The following TSHZ3 variants were observed in gnomAD, a reference collection of about 807,000 sequenced individuals.
TSHZ3 encodes teashirt homolog 3.
A neutral mutation model predicts 64.5 loss-of-function variants in TSHZ3; 10 were observed. The observed-to-expected ratio is 0.16, with a 90% CI of 0.10 to 0.26. The LOEUF is 0.26. Among genes scored for constraint, TSHZ3 ranks in the 10% least tolerant of loss-of-function variants. The pLI, the probability that TSHZ3 is intolerant of heterozygous loss-of-function variation, is 1.00. For missense variants in TSHZ3, 1,242 were observed against 1,421.7 expected (o/e 0.87, Z 2.03); for synonymous variants, 608 against 593.1 (o/e 1.03, Z -0.36).
intron 4 of TSHZ3, among the ~76,000 whole-genome samples, chr19:31,207,276 G>C (rs1472899153): frequency 1.3e-5 from 2 of 152,136 alleles, no homozygotes; most frequent in Non-Finnish European, 2.9e-5. Context: ...AGCTTGCTTA[G>C]CTAACCATTA....
chr19:31,283,236 A>G (rs1233030345), intron 1 of TSHZ3, among the ~76,000 whole-genome samples: 2 of 152,134 alleles, frequency 1.3e-5, no homozygotes, highest in Non-Finnish European at 2.9e-5. Context: ...CCAGAGGCTG[A>G]GGCAGGCGAA....
chr19:31,248,114 C>T (rs777261376), intron 1 of TSHZ3, among the ~76,000 whole-genome samples: 4 of 152,032 alleles, frequency 2.6e-5, no homozygotes, highest in Non-Finnish European at 4.4e-5. Context: ...CTCACTACCA[C>T]GAGAACAGTA....
At chr19:31,349,487 A>T (rs538570972), upstream of TSHZ3, 3 of 354,402 alleles carry the variant, frequency 8.5e-6, no homozygotes, top group East Asian at 1.4e-4. Flanking sequence ...GGGGAGGAGG[A>T]GGCAGAGGAG....
intron 1 of TSHZ3, among the ~76,000 whole-genome samples, chr19:31,281,178 C>T (rs188690641): frequency 3.9e-5 from 6 of 152,198 alleles, no homozygotes; most frequent in Non-Finnish European, 7.4e-5. Context: ...GAATTGACTC[C>T]ACCAGCTTTA....
At chr19:31,245,148 C>A (rs1446807992) in intron 1 of TSHZ3, among the ~76,000 whole-genome samples, 1 of 151,822 alleles carries the variant, frequency 6.6e-6, no homozygotes, top group Non-Finnish European at 1.5e-5. Flanking sequence ...TCAATTGTTG[C>A]AAGTCAGTAT....
intron 1 of TSHZ3, among the ~76,000 whole-genome samples, chr19:31,318,037 A>G (rs1259007629): frequency 6.6e-6 from 1 of 152,250 alleles, no homozygotes; most frequent in Non-Finnish European, 1.5e-5. Context: ...CTTATAAAAG[A>G]CAACACACAG....
rs111817729 is a variant in TSHZ3, at chr19:31,215,789, T to C, written n.687-10711A>G. ...GGGAGGCTGAGGCAGGAGAATCACT[T>C]GAACCCGGGAGGCGGAGCTTGCAGT... On this transcript the variant is annotated intron_variant and non_coding_transcript_variant, in intron 4 of 6. Transcript: ENST00000651361. Among the ~76,000 whole-genome samples, 502 of 152,236 alleles carry C rather than the reference T, an allele frequency of 3.3e-3. 8 individuals are homozygous for C. The highest frequency in any genetic ancestry group is 0.012 in the African/African-American group (480 of 41,564).
chr19:31,299,139 A>G (rs1976712869), intron 1 of TSHZ3, among the ~76,000 whole-genome samples: 1 of 152,142 alleles, frequency 6.6e-6, no homozygotes, highest in Non-Finnish European at 1.5e-5. Flanking sequence ...AGGTTGCAGT[A>G]AGCCGGGATT....
At chr19:31,311,344 C>T (rs938954963) in intron 1 of TSHZ3, among the ~76,000 whole-genome samples, 3 of 152,190 alleles carry the variant, frequency 2.0e-5, no homozygotes, top group Admixed American at 6.5e-5. Flanking sequence ...AGATCAAGAG[C>T]ATTCGTGTCT....
At chr19:31,284,933 CTGA>C (rs1976428921) in intron 1 of TSHZ3, among the ~76,000 whole-genome samples, 2 of 152,208 alleles carry the variant, frequency 1.3e-5, no homozygotes, top group African/African-American at 4.8e-5. Context: ...CCAAAACATC[CTGA>C]ATGGATCCTG....
chr19:31,292,399 T>C (rs1251176908), intron 1 of TSHZ3, among the ~76,000 whole-genome samples: 3 of 152,204 alleles, frequency 2.0e-5, no homozygotes, highest in East Asian at 1.9e-4. Context: ...AAAAGCACAG[T>C]TGAGAATTGG....
chr19:31,339,142 C>G lies in TSHZ3; in HGVS notation c.40+10038G>C, dbSNP rs77069558. Among the ~76,000 whole-genome samples the G allele has an allele frequency of 2.3e-4, 35 of 152,044 alleles. No homozygotes were observed. The East Asian group carries it at 6.4e-3, about 28-fold the overall frequency. On this transcript the variant is annotated intron_variant, in intron 1 of 1. Transcript: ENST00000240587. ...GAGCCCTGAGATTCATTTCTACCAC[C>G]CTTTGCAAGCCAGGGTGGCTTGAAT...
At chr19:31,230,737 T>C (rs922858211) in intron 3 of TSHZ3, among the ~76,000 whole-genome samples, 2 of 148,560 alleles carry the variant, frequency 1.3e-5, no homozygotes, top group African/African-American at 5.0e-5. Context: ...TCTTGCTCTG[T>C]TGCCCAGGCT....
chr19:31,264,748 C>G (rs1976026321), intron 1 of TSHZ3, among the ~76,000 whole-genome samples: 1 of 148,998 alleles, frequency 6.7e-6, no homozygotes, highest in South Asian at 2.1e-4. Context: ...TCAAGCCAAA[C>G]AAATCGGCAG....
chr19:31,322,815 A>G (rs1487473189), intron 1 of TSHZ3, among the ~76,000 whole-genome samples: 1 of 152,262 alleles, frequency 6.6e-6, no homozygotes, highest in Non-Finnish European at 1.5e-5. Context: ...TGAGTGACAG[A>G]ACGAATGAAT....
Position 31,240,532 on chromosome 19 carries a change from C to T in TSHZ3, n.550+1737G>A, listed in dbSNP as rs146665053. Among the ~76,000 whole-genome samples the T allele has an allele frequency of 5.1e-4, 77 of 152,278 alleles. 3 individuals are homozygous for T. The highest frequency in any genetic ancestry group is 1.8e-3 in the African/African-American group (75 of 41,572). ...ATCTTGCAGTCTATGGAAAACTCCACTTTACACCTATGAAAAGATGGACGT... is the reference window on the plus strand; with the variant it reads ...ATCTTGCAGTCTATGGAAAACTCCATTTTACACCTATGAAAAGATGGACGT... On this transcript the variant is annotated intron_variant and non_coding_transcript_variant, in intron 3 of 6. Transcript: ENST00000651361.
At position 31,162,810 on chromosome 19, in the gene TSHZ3, C is replaced by T. The variant is rs183630977; in HGVS notation, n.810-6393G>A. On this transcript the variant is annotated intron_variant and non_coding_transcript_variant, in intron 5 of 6. Transcript: ENST00000651361. ...AGGGAGGTAACAAGGAACCATGGCA[C>T]AGCCAGGGGTGTCAACATAAGTGCA... Among the ~76,000 whole-genome samples the T allele has an allele frequency of 6.6e-5, 10 of 152,310 alleles. No individual in the cohort carries two copies. The East Asian group carries it at 1.9e-3, about 29-fold the overall frequency.
intron 1 of TSHZ3, among the ~76,000 whole-genome samples, chr19:31,345,182 G>A (rs1227196110): frequency 1.3e-5 from 2 of 152,104 alleles, no homozygotes; most frequent in African/African-American, 2.4e-5. Context: ...CTCTCATTTC[G>A]TAGGAAATGG....
intron 1 of TSHZ3, among the ~76,000 whole-genome samples, chr19:31,256,279 C>T (rs1489778322): frequency 1.3e-5 from 2 of 152,120 alleles, no homozygotes; most frequent in Non-Finnish European, 2.9e-5. Flanking sequence ...GTGAAGAATC[C>T]CTTTACATCT....
Sources: allele counts gnomAD v4.1 joint callset (sites outside exome capture counted in the v4.1 genomes callset), GRCh38; gene constraint gnomAD v4.1.1; transcripts MANE v1.5; gene names NCBI Gene and HGNC (gene_info 2026-07-23, HGNC 2026-07-21).